KIF21A: variants seen among roughly 807,000 people sequenced by gnomAD.
The protein encoded by KIF21A is kinesin-like protein KIF21A.
In KIF21A, 114 loss-of-function variants were observed where a neutral mutation model predicts 202.9. The ratio of observed to expected loss-of-function variants is 0.56; its 90% CI spans 0.48 to 0.66. The LOEUF (loss-of-function observed/expected upper bound fraction) is 0.66, where lower values mean the gene tolerates loss of function less well. Ranked by LOEUF, KIF21A falls within the 30% of genes least tolerant of loss-of-function variation. The pLI is 0.00. For missense variants in KIF21A, 1,677 were observed against 1,994.9 expected (o/e 0.84, Z 3.04); for synonymous variants, 667 against 670.8 (o/e 0.99, Z 0.09).
chr12:39,365,736 G>A (rs1046694946), intron 6 of KIF21A, among the ~76,000 whole-genome samples: 85 of 152,338 alleles, frequency 5.6e-4, no homozygotes, highest in African/African-American at 1.8e-3. Flanking sequence ...TGGGCCAAGC[G>A]CAGTGGCTCG....
intron 1 of KIF21A, among the ~76,000 whole-genome samples, chr12:39,403,611 A>G (rs1952350434): frequency 6.6e-6 from 1 of 152,202 alleles, no homozygotes; most frequent in African/African-American, 2.4e-5. Flanking sequence ...AGTACATGAA[A>G]TGAAAGTAAT....
intron 3 of KIF21A, 137 bp from the exon 4 acceptor site, chr12:39,368,169 T>A: frequency 1.6e-6 from 1 of 613,382 alleles, no homozygotes; most frequent in Non-Finnish European, 2.8e-6. Context: ...AATAACACAT[T>A]AAAATGAATG....
intron 11 of KIF21A, among the ~76,000 whole-genome samples, chr12:39,348,963 T>C (rs906749977): frequency 5.9e-5 from 9 of 152,064 alleles, no homozygotes; most frequent in Admixed American, 1.3e-4. Flanking sequence ...ATTCCTTTAG[T>C]CAAATGGCTT....
At chr12:39,307,081 A>G (rs1943546515) in intron 34 of KIF21A, among the ~76,000 whole-genome samples, 1 of 152,146 alleles carries the variant, frequency 6.6e-6, no homozygotes. Flanking sequence ...CTTTTTAACT[A>G]CTTTATCTTC....
chr12:39,409,219 C>A (rs116246402), intron 1 of KIF21A, among the ~76,000 whole-genome samples: 1 of 151,598 alleles, frequency 6.6e-6, no homozygotes, highest in African/African-American at 2.4e-5. Context: ...AATCAATGAA[C>A]CTTAAGCAAA....
chr12:39,360,393 ATT>A (rs201499236), intron 7 of KIF21A, among the ~76,000 whole-genome samples: 6 of 145,160 alleles, frequency 4.1e-5, no homozygotes, highest in Non-Finnish European at 6.1e-5. Context: ...TAGAAATATG[ATT>A]TTTTTTTTTT....
At chr12:39,345,059 C>A (rs1282530386) in intron 12 of KIF21A, among the ~76,000 whole-genome samples, 1 of 152,154 alleles carries the variant, frequency 6.6e-6, no homozygotes, top group Non-Finnish European at 1.5e-5. Context: ...TCAGGCTCCA[C>A]CTCAGTCCTA....
intron 1 of KIF21A, among the ~76,000 whole-genome samples, chr12:39,395,316 T>C (rs903457623): frequency 1.3e-5 from 2 of 152,180 alleles, no homozygotes; most frequent in African/African-American, 4.8e-5. Flanking sequence ...TCTCTTTCCA[T>C]TGCTCTAGAA....
intron 37 of KIF21A, among the ~76,000 whole-genome samples, chr12:39,297,664 C>A (rs1282822507): frequency 6.6e-6 from 1 of 150,534 alleles, no homozygotes; most frequent in South Asian, 2.1e-4. Context: ...TGCAGCGCAC[C>A]AGCATGGCAC....
chr12:39,296,669 C>A (rs1387956152), intron 37 of KIF21A, among the ~76,000 whole-genome samples: 1 of 152,074 alleles, frequency 6.6e-6, no homozygotes, highest in African/African-American at 2.4e-5. Flanking sequence ...ACATTCCAGG[C>A]CAAAAGAGCA....
intron 31 of KIF21A, chr12:39,311,802 A>G: frequency 2.3e-6 from 1 of 439,880 alleles, no homozygotes; most frequent in South Asian, 2.7e-5. Context: ...ATACATCTAG[A>G]TTTTCTTATT....
chr12:39,344,196 T>C (rs777607742), intron 12 of KIF21A, among the ~76,000 whole-genome samples: 42 of 152,168 alleles, frequency 2.8e-4, no homozygotes, highest in Non-Finnish European at 5.0e-4. Flanking sequence ...ATGTCTCTCT[T>C]AGGTTGCTTA....
Position 39,322,698 on chromosome 12 carries a change from G to A in KIF21A, c.3641C>T (p.Pro1214Leu), listed in dbSNP as rs149075970. The A allele has an allele frequency of 6.2e-6, 10 of 1,614,048 alleles. No homozygotes were observed. The highest frequency in any genetic ancestry group is 4.4e-5 in the South Asian group (4 of 91,064). ...GCCTATCTTAGAAGGTAAGCCAGGT[G>A]GGGGAGAGAGCTCTTTTTCCCTAGC... ...TSAREKELSPPPGLPSKIGSI... is the reference protein window; with the variant it reads ...TSAREKELSPLPGLPSKIGSI... Residue 1214 changes from proline to leucine, a missense_variant, in exon 27 of 38, where the codon CCA becomes CTA. By Grantham distance (98) the Pro-to-Leu change is moderately conservative. This residue lies in a region of KIF21A where 705 missense variants were observed against 791.9 expected (regional missense o/e 0.89). Coordinates refer to ENST00000361418, the MANE Select transcript of KIF21A (RefSeq NM_001173464.2).
intron 11 of KIF21A, among the ~76,000 whole-genome samples, 188 bp downstream of exon 11, chr12:39,351,589 A>G (rs906046035): frequency 6.6e-6 from 1 of 152,070 alleles, no homozygotes; most frequent in Non-Finnish European, 1.5e-5. Context: ...ATTACAATTA[A>G]ATCTATTTTT....
chr12:39,364,383 T>C (rs1275663823), intron 6 of KIF21A, among the ~76,000 whole-genome samples: 1 of 152,244 alleles, frequency 6.6e-6, no homozygotes, highest in African/African-American at 2.4e-5. Flanking sequence ...CAATGGCTTT[T>C]GTCTTTTCCT....
At chr12:39,334,209 AAAAAAAAAAAAG>A (rs963385350) in intron 17 of KIF21A, among the ~76,000 whole-genome samples, 1 of 150,494 alleles carries the variant, frequency 6.6e-6, no homozygotes, top group African/African-American at 2.5e-5. Context: ...TCAAAAAAAA[AAAAAAAAAAAAG>A]AAAGAAAGAA....
intron 1 of KIF21A, among the ~76,000 whole-genome samples, chr12:39,428,505 C>T (rs11172105): frequency 6.6e-6 from 1 of 152,082 alleles, no homozygotes; most frequent in Admixed American, 6.6e-5. Flanking sequence ...TTAGAAAAAA[C>T]AGAGTCACAA....
intron 1 of KIF21A, among the ~76,000 whole-genome samples, chr12:39,395,364 C>T (rs893457574): frequency 2.0e-5 from 3 of 152,020 alleles, no homozygotes; most frequent in African/African-American, 4.8e-5. Flanking sequence ...ATCCCCACCC[C>T]GCTCATCCCA....
chr12:39,407,790 C>T (rs1952717886), intron 1 of KIF21A, among the ~76,000 whole-genome samples: 2 of 152,058 alleles, frequency 1.3e-5, no homozygotes, highest in South Asian at 4.1e-4. Flanking sequence ...CACAATGACT[C>T]TCAATCTCTC....
Sources: gnomAD v4.1 joint callset for allele counts (sites outside exome capture counted in the v4.1 genomes callset) on GRCh38, gnomAD v4.1.1 for gene constraint, gnomAD v4.1.1 regional missense constraint, MANE v1.5 for transcripts, NCBI Gene and HGNC (gene_info 2026-07-23, HGNC 2026-07-21) for gene names.